The following CADM2 variants were observed in gnomAD, a reference collection of about 807,000 sequenced individuals.
CADM2 encodes the protein cell adhesion molecule 2, also known as immunoglobulin superfamily member 4D.
A neutral mutation model predicts 49.8 loss-of-function variants in CADM2; 12 were observed. The ratio of observed to expected loss-of-function variants is 0.24; its 90% CI spans 0.15 to 0.39. The LOEUF (loss-of-function observed/expected upper bound fraction) is 0.39. Ranked by LOEUF, CADM2 falls within the 10% of genes least tolerant of loss-of-function variation. The pLI is 1.00. For synonymous variants in CADM2, 214 were observed against 175.4 expected, an observed-to-expected ratio of 1.22 and a Z score of -1.74; for missense variants, 378 against 492.3, an observed-to-expected ratio of 0.77 and a Z score of 2.20.
chr3:85,252,229 G>A (rs563263918), intron 1 of CADM2, among the ~76,000 whole-genome samples: 7 of 152,032 alleles, frequency 4.6e-5, no homozygotes, highest in Admixed American at 1.3e-4. Flanking sequence ...AATTACTTAT[G>A]TTAACAAACA....
intron 1 of CADM2, among the ~76,000 whole-genome samples, chr3:85,279,253 T>C (rs1187860341): frequency 6.6e-6 from 1 of 151,564 alleles, no homozygotes; most frequent in Non-Finnish European, 1.5e-5. Flanking sequence ...TCTTACACTG[T>C]TGTTAACCTT....
chr3:85,527,212 T>C (rs2061180751), intron 1 of CADM2, among the ~76,000 whole-genome samples: 1 of 151,784 alleles, frequency 6.6e-6, no homozygotes, highest in African/African-American at 2.4e-5. Context: ...TTTGGAGACA[T>C]GGTCTCTACA....
chr3:85,578,951 TAGC>T (rs2062720046), intron 1 of CADM2, among the ~76,000 whole-genome samples: 1 of 152,194 alleles, frequency 6.6e-6, no homozygotes, highest in Non-Finnish European at 1.5e-5. Flanking sequence ...TGTTTCAAAT[TAGC>T]AGCCACGGTG....
chr3:85,227,056 T>C (rs111871374), intron 1 of CADM2, among the ~76,000 whole-genome samples: 14,521 of 152,186 alleles, frequency 0.095, 865 homozygotes, highest in African/African-American at 0.17. Context: ...ATGTGGTCAA[T>C]TTTAAAATAA....
intron 1 of CADM2, among the ~76,000 whole-genome samples, chr3:85,082,728 T>G (rs1047400097): frequency 6.6e-6 from 1 of 152,036 alleles, no homozygotes; most frequent in African/African-American, 2.4e-5. Context: ...GTGGGATGAT[T>G]TTTCAGTAAA....
intron 8 of CADM2, among the ~76,000 whole-genome samples, chr3:86,003,488 A>G (rs181705164): frequency 6.6e-6 from 1 of 152,354 alleles, no homozygotes; most frequent in East Asian, 1.9e-4. Context: ...ATAAAAATTA[A>G]GAAAACCTAC....
chr3:85,950,676 T>G (rs183005227), intron 7 of CADM2, among the ~76,000 whole-genome samples: 67 of 151,236 alleles, frequency 4.4e-4, no homozygotes, highest in Admixed American at 3.6e-3. Flanking sequence ...AGAAGTGCCT[T>G]AAAAAATCAG....
At chr3:85,085,109 G>A (rs1371408734) in intron 1 of CADM2, among the ~76,000 whole-genome samples, 1 of 151,900 alleles carries the variant, frequency 6.6e-6, no homozygotes. Context: ...GCAATTTCCA[G>A]GTATGAATTA....
At chr3:85,946,720 T>C (rs560041044) in intron 7 of CADM2, among the ~76,000 whole-genome samples, 115 of 152,220 alleles carry the variant, frequency 7.6e-4, no homozygotes, top group Non-Finnish European at 1.3e-3. Context: ...TAACAAATAG[T>C]GCTGGGAAAA....
chr3:85,318,267 G>C (rs1355565838), intron 1 of CADM2, among the ~76,000 whole-genome samples: 5 of 151,902 alleles, frequency 3.3e-5, no homozygotes, highest in Non-Finnish European at 7.4e-5. Flanking sequence ...GGGAGAAAAA[G>C]TCATATGAAT....
At chr3:85,986,119 T>A (rs1159926706) in intron 8 of CADM2, among the ~76,000 whole-genome samples, 2 of 152,068 alleles carry the variant, frequency 1.3e-5, no homozygotes, top group Non-Finnish European at 2.9e-5. Flanking sequence ...TGCCCTTCTA[T>A]TCTCTACATC....
intron 1 of CADM2, among the ~76,000 whole-genome samples, chr3:85,535,941 A>G (rs66625173): frequency 0.51 from 77,862 of 151,918 alleles, 23,032 homozygotes; most frequent in East Asian, 0.85. Context: ...GTGTCTGCAT[A>G]TGGTTCTTCT....
chr3:85,121,562 G>A (rs139276482), intron 1 of CADM2, among the ~76,000 whole-genome samples: 1 of 152,198 alleles, frequency 6.6e-6, no homozygotes, highest in African/African-American at 2.4e-5. Flanking sequence ...ATGAAATGCT[G>A]ACTCAAATAT....
intron 1 of CADM2, among the ~76,000 whole-genome samples, chr3:85,176,664 C>T (rs985936770): frequency 1.3e-5 from 2 of 152,024 alleles, no homozygotes; most frequent in African/African-American, 4.8e-5. Context: ...ATTAATTACC[C>T]ATCCATAAAG....
intron 1 of CADM2, among the ~76,000 whole-genome samples, chr3:85,516,921 C>A (rs2060917457): frequency 6.6e-6 from 1 of 151,538 alleles, no homozygotes; most frequent in African/African-American, 2.4e-5. Context: ...TACTCAAATC[C>A]TTTTCACTTC....
chr3:85,658,617 T>TATATATATAC lies in CADM2; in HGVS notation c.62-67904_62-67903insTATATATACA, dbSNP rs1553656741. 1.0e-4 allele frequency among the ~76,000 whole-genome samples: 13 copies of TATATATATAC among 125,088 alleles called. 1 individual carries two copies. Among genetic ancestry groups the TATATATATAC allele is most frequent in the East Asian group, 4.8e-4 (2 of 4,136 alleles). 82.1% of individuals were successfully genotyped at this position (125,088 alleles called of 152,430 possible). On this transcript the variant is annotated intron_variant, in intron 1 of 9. Transcript: ENST00000383699. Reference sequence around the variant, plus strand: ...ATATATATATATATATATATATATATACATGTATGCATATGTTTGTTTATG... The same window carrying TATATATATAC: ...ATATATATATATATATATATATATATATATATATACACATGTATGCATATGTTTGTTTATG...
intron 5 of CADM2, among the ~76,000 whole-genome samples, chr3:85,899,738 C>T (rs1239276430): frequency 1.3e-5 from 2 of 152,066 alleles, no homozygotes; most frequent in South Asian, 2.1e-4. Flanking sequence ...TCTGTGTATC[C>T]AGTGCCCTCA....
chr3:85,793,191 T>C (rs9852859), intron 2 of CADM2, among the ~76,000 whole-genome samples: 22,025 of 152,240 alleles, frequency 0.14, 2,023 homozygotes, highest in Non-Finnish European at 0.2. Context: ...AGGAGAGTTA[T>C]TTTTTCAGGA....
chr3:85,457,222 G>A (rs2038032809), intron 1 of CADM2, among the ~76,000 whole-genome samples: 1 of 152,082 alleles, frequency 6.6e-6, no homozygotes, highest in Admixed American at 6.5e-5. Context: ...GTACCAGTCT[G>A]GGCAACATGG....
Sources: allele counts gnomAD v4.1 joint callset (sites outside exome capture counted in the v4.1 genomes callset), GRCh38; gene constraint gnomAD v4.1.1; transcripts MANE v1.5; gene names NCBI Gene and HGNC (gene_info 2026-07-23, HGNC 2026-07-21).